The following COBL variants were observed in gnomAD, a reference collection of about 807,000 sequenced individuals.
The protein encoded by COBL is cordon-bleu WH2 repeat protein.
A neutral mutation model predicts 98.8 loss-of-function variants in COBL; 51 were observed. That is an observed-to-expected ratio of 0.52 (90% CI 0.41 to 0.65). The LOEUF (loss-of-function observed/expected upper bound fraction) is 0.65. Ranked by LOEUF, COBL falls within the 30% of genes least tolerant of loss-of-function variation. The pLI is 0.00. For synonymous variants in COBL, 634 were observed against 651.7 expected (o/e 0.97, Z 0.41); for missense variants, 1,617 against 1,617.5 (o/e 1.00, Z 0.01).
chr7:51,057,333 T>TACACAC (rs10579615), intron 7 of COBL, among the ~76,000 whole-genome samples: 3 of 149,110 alleles, frequency 2.0e-5, no homozygotes, highest in African/African-American at 7.3e-5. Context: ...CGCACACACA[T>TACACAC]ACACACACAC....
intron 1 of COBL, among the ~76,000 whole-genome samples, chr7:51,301,130 C>T (rs963842507): frequency 1.3e-5 from 2 of 152,064 alleles, no homozygotes; most frequent in African/African-American, 2.4e-5. Flanking sequence ...TGCTCTGAAG[C>T]GGCCCCCTCC....
chr7:51,269,395 G>C (rs1798544217), intron 1 of COBL, among the ~76,000 whole-genome samples: 1 of 152,216 alleles, frequency 6.6e-6, no homozygotes, highest in Non-Finnish European at 1.5e-5. Flanking sequence ...GGAGATGGGA[G>C]GCCAGCACTT....
chr7:51,196,635 T>C (rs1002744964), intron 2 of COBL, among the ~76,000 whole-genome samples: 4 of 152,022 alleles, frequency 2.6e-5, no homozygotes, highest in African/African-American at 7.2e-5. Context: ...GTGAATCCGT[T>C]TGCTCCTGGG....
intron 5 of COBL, chr7:51,156,490 T>C (rs1786145846): frequency 1.0e-6 from 1 of 984,914 alleles, no homozygotes; most frequent in Admixed American, 6.2e-5. Context: ...TATTGGAGGC[T>C]GTCATTCAAA....
intron 1 of COBL, among the ~76,000 whole-genome samples, chr7:51,243,131 C>T (rs1007768561): frequency 5.9e-5 from 9 of 152,204 alleles, no homozygotes; most frequent in African/African-American, 2.2e-4. Context: ...ATGGGCAAAA[C>T]ATGGCATGAA....
chr7:51,310,559 T>A (rs1422739132), intron 1 of COBL, among the ~76,000 whole-genome samples: 1 of 152,174 alleles, frequency 6.6e-6, no homozygotes, highest in Non-Finnish European at 1.5e-5. Flanking sequence ...TTCAGGTTCT[T>A]GGGCAGTGAA....
intron 1 of COBL, among the ~76,000 whole-genome samples, chr7:51,261,102 C>T (rs1282510768): frequency 1.3e-5 from 2 of 152,184 alleles, no homozygotes; most frequent in African/African-American, 2.4e-5. Flanking sequence ...TCAGCCCCAC[C>T]GCAGGAGATG....
chr7:51,147,570 A>G (rs1785144541), intron 5 of COBL, among the ~76,000 whole-genome samples: 1 of 152,138 alleles, frequency 6.6e-6, no homozygotes, highest in African/African-American at 2.4e-5. Context: ...GAGCAAAGGT[A>G]GAGGAGAACA....
In COBL at chr7:51,215,974, TTGTAAAGGGGATGCAATGGCC is replaced by T. The variant is rs539484331; in HGVS notation, c.245+3746_245+3766del. 1.8e-3 allele frequency among the ~76,000 whole-genome samples: 278 copies of T among 152,360 alleles called. 1 individual carries two copies. Among genetic ancestry groups the T allele is most frequent in the South Asian group, 3.5e-3 (17 of 4,828 alleles). On this transcript the variant is annotated intron_variant, in intron 2 of 12. Coordinates refer to ENST00000265136, the MANE Select transcript of COBL (RefSeq NM_015198.5). ...CCCTGCACAGGTCTAAGCTTGTCTGTTGTAAAGGGGATGCAATGGCCTGTAAAGGCAGAATCACAGGACTGA... is the reference window on the plus strand; with the variant it reads ...CCCTGCACAGGTCTAAGCTTGTCTGTTGTAAAGGCAGAATCACAGGACTGA...
intron 5 of COBL, among the ~76,000 whole-genome samples, chr7:51,177,650 G>A (rs1031961272): frequency 1.3e-5 from 2 of 151,950 alleles, no homozygotes; most frequent in Non-Finnish European, 2.9e-5. Context: ...GCAGGCGCCT[G>A]TGATCCCAGC....
At chr7:51,086,508 T>G (rs1794266143) in intron 6 of COBL, among the ~76,000 whole-genome samples, 1 of 152,062 alleles carries the variant, frequency 6.6e-6, no homozygotes, top group African/African-American at 2.4e-5. Context: ...GAATGGTGCC[T>G]GCAACACCCT....
intron 1 of COBL, among the ~76,000 whole-genome samples, chr7:51,229,168 G>A (rs1359110023): frequency 2.0e-5 from 3 of 152,252 alleles, no homozygotes; most frequent in Non-Finnish European, 4.4e-5. Context: ...TGGACGAGGA[G>A]TGCAGAGTGA....
At chr7:51,138,394 T>C (rs1487351485) in intron 5 of COBL, among the ~76,000 whole-genome samples, 1 of 152,190 alleles carries the variant, frequency 6.6e-6, no homozygotes, top group African/African-American at 2.4e-5. Context: ...AAGATTTATT[T>C]AACCCTGCAG....
intron 1 of COBL, among the ~76,000 whole-genome samples, chr7:51,266,053 T>A (rs1798170300): frequency 6.6e-6 from 1 of 152,224 alleles, no homozygotes; most frequent in African/African-American, 2.4e-5. Context: ...TAATATTCAT[T>A]ACACAGAAAG....
intron 1 of COBL, among the ~76,000 whole-genome samples, chr7:51,257,475 C>T (rs949459862): frequency 2.6e-5 from 4 of 152,076 alleles, no homozygotes; most frequent in Admixed American, 6.6e-5. Flanking sequence ...AGCACCACCA[C>T]GATTTTATAA....
chr7:51,243,013 T>C (rs779213840), intron 1 of COBL, among the ~76,000 whole-genome samples: 30 of 152,168 alleles, frequency 2.0e-4, no homozygotes, highest in Non-Finnish European at 3.5e-4. Context: ...TGACCAGGTA[T>C]GAAGGGACAC....
intron 4 of COBL, chr7:51,187,982 A>G: frequency 1.6e-6 from 2 of 1,232,330 alleles, no homozygotes; most frequent in African/African-American, 1.5e-5. Flanking sequence ...GCAATGAGAG[A>G]GTGAGGTCCA....
At chr7:51,266,455 G>C (rs562523288) in intron 1 of COBL, among the ~76,000 whole-genome samples, 1 of 152,264 alleles carries the variant, frequency 6.6e-6, no homozygotes, top group Non-Finnish European at 1.5e-5. Flanking sequence ...GCGCATTCCT[G>C]TAATCCCAGC....
chr7:51,243,255 G>A (rs1795968024), intron 1 of COBL, among the ~76,000 whole-genome samples: 1 of 152,206 alleles, frequency 6.6e-6, no homozygotes, highest in Admixed American at 6.5e-5. Flanking sequence ...GAAGGCAGCT[G>A]TGTGCGGGGA....
Sources: allele counts gnomAD v4.1 joint callset (sites outside exome capture counted in the v4.1 genomes callset), GRCh38; gene constraint gnomAD v4.1.1; transcripts MANE v1.5; gene names NCBI Gene and HGNC (gene_info 2026-07-23, HGNC 2026-07-21).